TUBGCP3: variants seen among roughly 807,000 people sequenced by gnomAD.
TUBGCP3 encodes the protein gamma-tubulin complex component 3.
A neutral mutation model predicts 123.1 loss-of-function variants in TUBGCP3; 50 were observed. The observed-to-expected ratio is 0.41, with a 90% CI of 0.32 to 0.51. The LOEUF is 0.51. Ranked by LOEUF, TUBGCP3 falls within the 20% of genes least tolerant of loss-of-function variation. The pLI, the probability that TUBGCP3 is intolerant of heterozygous loss-of-function variation, is 0.36. For missense variants in TUBGCP3, 882 were observed against 1,127.0 expected (o/e 0.78, Z 3.11); for synonymous variants, 405 against 413.9 (o/e 0.98, Z 0.26).
Position 112,545,890 on chromosome 13 carries a change from C to A in TUBGCP3, c.1169-25G>T. On this transcript the variant is annotated intron_variant, in intron 10 of 21. Coordinates refer to ENST00000261965, the MANE Select transcript of TUBGCP3 (RefSeq NM_006322.6). This position sits in a 1 kb window ranked among gnomAD's most constrained non-coding sequence, Gnocchi z 4.1. ...CCTGGGAGAAATGGAGGAAAATACA[C>A]AAAAACATCCACATTTACACTCATA... is the stretch of plus-strand genomic sequence containing the variant. 6.2e-7 allele frequency: 1 copy of A among 1,604,300 alleles called. No homozygotes were observed. Among genetic ancestry groups the A allele is most frequent in the South Asian group, 1.1e-5 (1 of 90,924 alleles).
intron 11 of TUBGCP3, among the ~76,000 whole-genome samples, chr13:112,533,793 G>T (rs1395999926): frequency 6.9e-6 from 1 of 144,624 alleles, no homozygotes; most frequent in Non-Finnish European, 1.5e-5. Flanking sequence ...CTTTCTAAGA[G>T]AATTTCTTTT....
At chr13:112,599,232 AGTTATTCTATGAG>A in the TUBGCP3 span, among the ~76,000 whole-genome samples, 3 of 152,120 alleles carry the variant, frequency 2.0e-5, no homozygotes, top group African/African-American at 2.4e-5. Flanking sequence ...TGTCAGGTAA[AGTTATTCTATGAG>A]GTTATTCTTT....
At chr13:112,489,108 AC>A (rs1163859095) in intron 21 of TUBGCP3, among the ~76,000 whole-genome samples, 1 of 115,116 alleles carries the variant, frequency 8.7e-6, no homozygotes, top group East Asian at 2.7e-4. Flanking sequence ...CACAGGGGCC[AC>A]CCCCAGGTCC....
At chr13:112,552,215 A>G (rs959527930) in intron 8 of TUBGCP3, among the ~76,000 whole-genome samples, 11 of 152,374 alleles carry the variant, frequency 7.2e-5, no homozygotes, top group African/African-American at 2.6e-4. Flanking sequence ...GGAATAAAAT[A>G]TCTACATAAT....
At chr13:112,486,926 C>T (rs756068182) in intron 21 of TUBGCP3, among the ~76,000 whole-genome samples, 6 of 152,224 alleles carry the variant, frequency 3.9e-5, no homozygotes, top group Non-Finnish European at 8.8e-5. Flanking sequence ...CAAGTCTTCA[C>T]CAGCTGTCAC....
At chr13:112,528,116 G>C (rs117241232) in intron 11 of TUBGCP3, among the ~76,000 whole-genome samples, 4 of 152,184 alleles carry the variant, frequency 2.6e-5, no homozygotes, top group African/African-American at 9.7e-5. Context: ...TGACCCTGAC[G>C]GGCACCTACA....
intron 16 of TUBGCP3, 87 bp from the exon 17 acceptor site, chr13:112,516,662 AT>A: frequency 7.0e-7 from 1 of 1,430,934 alleles, no homozygotes; most frequent in Non-Finnish European, 9.3e-7. Context: ...AAAAAGGTAC[AT>A]TTTAGCAAAC....
chr13:112,518,968 A>G lies in TUBGCP3; in HGVS notation c.1950+7T>C. On this transcript the variant is annotated splice_region_variant and intron_variant, in intron 16 of 21. Coordinates refer to ENST00000261965, the MANE Select transcript of TUBGCP3 (RefSeq NM_006322.6). Reference sequence around the variant, plus strand: ...AAATACTATAAAATGATGCAGGATAATCTTACAGTTGCAATTGGTCCGTCA... The same window carrying G: ...AAATACTATAAAATGATGCAGGATAGTCTTACAGTTGCAATTGGTCCGTCA... 6.2e-7 allele frequency: 1 copy of G among 1,611,368 alleles called. No individual in the cohort carries two copies. Among genetic ancestry groups the G allele is most frequent in the African/African-American group, 1.3e-5 (1 of 75,014 alleles).
At chr13:112,568,289 A>C (rs1293301386) in intron 2 of TUBGCP3, among the ~76,000 whole-genome samples, 1 of 105,428 alleles carries the variant, frequency 9.5e-6, no homozygotes, top group East Asian at 3.4e-4. Flanking sequence ...CTTCTAGAAC[A>C]TGTTATTATT....
upstream of TUBGCP3, among the ~76,000 whole-genome samples, chr13:112,591,602 G>A (rs1882884147): frequency 6.6e-6 from 1 of 151,370 alleles, no homozygotes; most frequent in Non-Finnish European, 1.5e-5. Context: ...GGTGGTTCTG[G>A]CCTACCATGG....
In TUBGCP3 at chr13:112,560,132, C is replaced by CAAA. The variant is rs778347153; in HGVS notation, c.253-736_253-734dup. Among the ~76,000 whole-genome samples the CAAA allele has an allele frequency of 6.4e-4, 56 of 87,658 alleles. 1 individual carries two copies. Among genetic ancestry groups the CAAA allele is most frequent in the Non-Finnish European group, 9.4e-4 (43 of 45,712 alleles). The allele number at this position is 87,658 out of a possible 152,430, so 57.5% of individuals were successfully genotyped here. ...TGGGAGACAGAGCAAGACTCCGTCT[C>CAAA]AAAAAAAAAAAAAAAAGGCCGGGCG... On this transcript the variant is annotated intron_variant, in intron 3 of 21. Coordinates refer to ENST00000261965, the MANE Select transcript of TUBGCP3 (RefSeq NM_006322.6).
At chr13:112,526,919 C>A in intron 13 of TUBGCP3, 23 bp downstream of exon 13, 1 of 1,549,060 alleles carries the variant, frequency 6.5e-7, no homozygotes, top group Non-Finnish European at 8.9e-7. Flanking sequence ...GCCATCATCA[C>A]CACCCCACCA....
chr13:112,595,994 C>T, the TUBGCP3 span, among the ~76,000 whole-genome samples: 2 of 152,130 alleles, frequency 1.3e-5, no homozygotes, highest in Non-Finnish European at 2.9e-5. Context: ...TGCTACTTTA[C>T]ATGTACATAA....
upstream of TUBGCP3, among the ~76,000 whole-genome samples, chr13:112,591,029 T>TA (rs1217037576): frequency 2.0e-5 from 3 of 152,230 alleles, no homozygotes; most frequent in Non-Finnish European, 2.9e-5. Context: ...TAAAAACTGT[T>TA]ATTTAGTAAA....
chr13:112,585,743 A>G, intron 1 of TUBGCP3, among the ~76,000 whole-genome samples: 1 of 151,736 alleles, frequency 6.6e-6, no homozygotes, highest in East Asian at 2.0e-4. Flanking sequence ...ACTCCAGCCT[A>G]GGTGACAGAG....
At chr13:112,553,568 G>A (rs922692111) in intron 8 of TUBGCP3, among the ~76,000 whole-genome samples, 6 of 152,218 alleles carry the variant, frequency 3.9e-5, no homozygotes, top group African/African-American at 4.8e-5. Flanking sequence ...CTGTGCCATC[G>A]GCAGTGCCCA....
At position 112,578,647 on chromosome 13, in the gene TUBGCP3, CAT is replaced by C. The variant is rs956618935; in HGVS notation, c.76+9256_76+9257del. ...ATGCTAAATCATCACACCTGTAAAT[CAT>C]GTGCTTAATGCAACGCGACCTTTCG... On this transcript the variant is annotated intron_variant, in intron 1 of 21. Transcript: ENST00000261965. 8.1e-5 allele frequency among the ~76,000 whole-genome samples: 12 copies of C among 147,684 alleles called. 1 individual carries two copies. The highest frequency in any genetic ancestry group is 3.0e-4 in the African/African-American group (12 of 40,268).
chr13:112,582,778 T>C (rs887856321), intron 1 of TUBGCP3, among the ~76,000 whole-genome samples: 1 of 152,062 alleles, frequency 6.6e-6, no homozygotes, highest in African/African-American at 2.4e-5. Flanking sequence ...GTGTGAGGGG[T>C]GGGCAGTTCT....
chr13:112,601,743 G>A, the TUBGCP3 span, among the ~76,000 whole-genome samples: 10 of 152,044 alleles, frequency 6.6e-5, no homozygotes, highest in Non-Finnish European at 5.9e-5. Context: ...GCCTCTTTCC[G>A]GATTCATCTT....
Sources: gnomAD v4.1 joint callset for allele counts (sites outside exome capture counted in the v4.1 genomes callset) on GRCh38, gnomAD v4.1.1 for gene constraint, Gnocchi (gnomAD v3.1) non-coding constraint, MANE v1.5 for transcripts, NCBI Gene and HGNC (gene_info 2026-07-23, HGNC 2026-07-21) for gene names.